The following MRPS10 variants were observed in gnomAD, a reference collection of about 807,000 sequenced individuals.
The protein encoded by MRPS10 is mitochondrial ribosomal protein S10, also known as small ribosomal subunit protein uS10m.
A neutral mutation model predicts 27.5 loss-of-function variants in MRPS10; 23 were observed. The ratio of observed to expected loss-of-function variants is 0.84; its 90% CI spans 0.60 to 1.18. The LOEUF (loss-of-function observed/expected upper bound fraction) is 1.18. Ranked by LOEUF, MRPS10 falls within the 50% of genes most tolerant of loss-of-function variation. The pLI is 0.00. For missense variants in MRPS10, 237 were observed against 240.1 expected, an observed-to-expected ratio of 0.99 and a Z score of 0.09; for synonymous variants, 88 against 84.2, an observed-to-expected ratio of 1.04 and a Z score of -0.25.
At chr6:42,215,165 G>A (rs932300911) in intron 1 of MRPS10, among the ~76,000 whole-genome samples, 5 of 151,952 alleles carry the variant, frequency 3.3e-5, no homozygotes, top group Non-Finnish European at 5.9e-5. Context: ...AAGGTGGGTG[G>A]ATCACTTGTA....
chr6:42,213,757 T>C (rs1481235346), intron 3 of MRPS10, among the ~76,000 whole-genome samples: 1 of 152,178 alleles, frequency 6.6e-6, no homozygotes, highest in Non-Finnish European at 1.5e-5. Flanking sequence ...AGGCCCAGGC[T>C]CAATACACAA....
intron 6 of MRPS10, 77 bp downstream of exon 6, chr6:42,208,781 G>A (rs1047331543): frequency 2.0e-6 from 2 of 996,372 alleles, no homozygotes; most frequent in Admixed American, 4.4e-5. Context: ...CCAGGACCAG[G>A]CTGCAATGTA....
intron 5 of MRPS10, among the ~76,000 whole-genome samples, chr6:42,209,707 T>C (rs1382352694): frequency 1.6e-5 from 2 of 122,234 alleles, no homozygotes; most frequent in Non-Finnish European, 3.2e-5. Context: ...ATTGTGCCAC[T>C]GCACTCCAGC....
chr6:42,212,396 T>C (rs1768808226), intron 3 of MRPS10, among the ~76,000 whole-genome samples: 2 of 152,234 alleles, frequency 1.3e-5, no homozygotes, highest in South Asian at 4.1e-4. Flanking sequence ...AAGAAAAAAA[T>C]AAGAAAACAC....
At chr6:42,217,021 A>G (rs1768960321) in intron 1 of MRPS10, among the ~76,000 whole-genome samples, 1 of 152,230 alleles carries the variant, frequency 6.6e-6, no homozygotes, top group Non-Finnish European at 1.5e-5. Flanking sequence ...GATTAAATAC[A>G]GAAGCAGATT....
chr6:42,211,730 T>C (rs1259975848), intron 4 of MRPS10, 51 bp downstream of exon 4: 1 of 1,523,986 alleles, frequency 6.6e-7, no homozygotes, highest in Non-Finnish European at 8.9e-7. Flanking sequence ...ATTTTCCTGG[T>C]TGATCATATT....
At chr6:42,212,428 A>G (rs1174519907) in intron 3 of MRPS10, among the ~76,000 whole-genome samples, 2 of 152,252 alleles carry the variant, frequency 1.3e-5, no homozygotes, top group Non-Finnish European at 2.9e-5. Context: ...CTTATTAATT[A>G]TAAAACATTA....
intron 1 of MRPS10, among the ~76,000 whole-genome samples, chr6:42,216,393 T>A (rs867118879): frequency 0.05 from 3,400 of 67,664 alleles, 166 homozygotes; most frequent in African/African-American, 0.11. Flanking sequence ...AGAGTGTGTG[T>A]GTGTGTGTGT....
chr6:42,216,264 C>T (rs928794588), intron 1 of MRPS10, among the ~76,000 whole-genome samples: 2 of 150,960 alleles, frequency 1.3e-5, no homozygotes, highest in African/African-American at 2.4e-5. Context: ...TCTCGTGATC[C>T]GCCCACCTCG....
At chr6:42,212,162 TA>T (rs1768799537) in intron 3 of MRPS10, among the ~76,000 whole-genome samples, 1 of 152,198 alleles carries the variant, frequency 6.6e-6, no homozygotes. Flanking sequence ...ACAAAATTAC[TA>T]AAGGAACTTT....
chr6:42,215,359 C>CAGAAAAAAAAAAAAA (rs1554189102), intron 1 of MRPS10, among the ~76,000 whole-genome samples: 1 of 73,270 alleles, frequency 1.4e-5, no homozygotes, highest in African/African-American at 5.7e-5. Flanking sequence ...GACTCCCTCT[C>CAGAAAAAAAAAAAAA]AAAAAAAAAA....
chr6:42,217,797 A>C lies in MRPS10; in HGVS notation c.48+5T>G, dbSNP rs369614654. The C allele has an allele frequency of 2.1e-4, 341 of 1,614,022 alleles. No individual in the cohort carries two copies. Among genetic ancestry groups the C allele is most frequent in the Non-Finnish European group, 2.8e-4 (326 of 1,180,008 alleles). On this transcript the variant is annotated splice_donor_5th_base_variant and intron_variant, in intron 1 of 6. Coordinates refer to ENST00000053468, the MANE Select transcript of MRPS10 (RefSeq NM_018141.4). The stretch of plus-strand genomic sequence containing the variant: ...CCCTCCTAGTCTCCCTAGCCAATCC[A>C]GTACCTGCCAGAGGCGCCGGCACAC...
intron 3 of MRPS10, among the ~76,000 whole-genome samples, chr6:42,212,815 G>A (rs187608344): frequency 1.3e-5 from 2 of 152,342 alleles, no homozygotes; most frequent in East Asian, 3.9e-4. Context: ...CTGATAGCCT[G>A]TGTCCTAAGT....
chr6:42,215,459 C>T (rs1768899765), intron 1 of MRPS10, among the ~76,000 whole-genome samples: 2 of 150,666 alleles, frequency 1.3e-5, no homozygotes, highest in Non-Finnish European at 2.9e-5. Flanking sequence ...TTTTTTGAGA[C>T]AAGGTCTCAC....
Position 42,214,290 on chromosome 6 carries a change from C to A in MRPS10, c.103G>T (p.Gly35Cys). ...TSKGNTAKNG[G>C]LLLSTNMKWV... is the part of the protein sequence containing the mutation. ...CAATTGTATACTTACAGAAGCAAGC[C>A]ACCATTTTTGGCTGTATTGCCCTTA... is the stretch of plus-strand genomic sequence containing the variant. The change falls in exon 2 of 7, where the codon GGC (glycine) becomes TGC (cysteine). Residue 35 changes from glycine (G) to cysteine (C), a missense_variant. Gly to Cys is a radical substitution (Grantham distance 159). This residue lies in a region of MRPS10 where 164 missense variants were observed against 137.8 expected (regional missense o/e 1.19). Transcript: ENST00000053468. 1 of 1,612,558 alleles carries A rather than the reference C, an allele frequency of 6.2e-7. No individual in the cohort carries two copies.
chr6:42,208,767 TG>T (rs1344852716), intron 6 of MRPS10, 90 bp downstream of exon 6: 24 of 886,452 alleles, frequency 2.7e-5, no homozygotes, highest in Non-Finnish European at 3.9e-5. Context: ...CTCTACTCAG[TG>T]GGCCAGGACC....
In MRPS10 at chr6:42,211,896, C is replaced by T. The variant is rs1439843474; in HGVS notation, c.208G>A (p.Asp70Asn). The change falls in exon 4 of 7, where the codon GAC (aspartate) becomes AAC (asparagine). Residue 70 changes from aspartate (D) to asparagine (N), a missense_variant. Around this residue, in one of 3 missense-constraint regions of MRPS10, gnomAD observed 164 missense variants for 137.8 expected, o/e 1.19. Transcript: ENST00000053468. The stretch of plus-strand genomic sequence containing the variant: ...ACCGAGAGGCGCTTATATAATATGT[C>T]TGGTTCATCAGAGATTGTTACCTAA... ...KPVVTISDEP[D>N]ILYKRLSVLV... 6.2e-7 allele frequency: 1 copy of T among 1,613,424 alleles called. No individual in the cohort carries two copies.
At chr6:42,215,263 G>A (rs971330950) in intron 1 of MRPS10, among the ~76,000 whole-genome samples, 1 of 142,296 alleles carries the variant, frequency 7.0e-6, no homozygotes, top group African/African-American at 2.6e-5. Flanking sequence ...GTGGCGGTGC[G>A]GTTGTGATCC....
intron 4 of MRPS10, among the ~76,000 whole-genome samples, 185 bp from the exon 5 acceptor site, chr6:42,210,781 G>T (rs1768751081): frequency 6.6e-6 from 1 of 152,200 alleles, no homozygotes; most frequent in Non-Finnish European, 1.5e-5. Flanking sequence ...AAACACTGCA[G>T]ACAGCAATAG....
Sources: gnomAD v4.1 joint callset for allele counts (sites outside exome capture counted in the v4.1 genomes callset) on GRCh38, gnomAD v4.1.1 for gene constraint, gnomAD v4.1.1 regional missense constraint, MANE v1.5 for transcripts, NCBI Gene and HGNC (gene_info 2026-07-23, HGNC 2026-07-21) for gene names.